Variants in CNTNAP2 observed in about 807,000 individuals in gnomAD.
The protein encoded by CNTNAP2 is contactin-associated protein-like 2.
CNTNAP2 carries 98 observed loss-of-function variants against 155.2 expected under a neutral mutation model. The ratio of observed to expected loss-of-function variants is 0.63; its 90% CI spans 0.54 to 0.75. CNTNAP2 has a LOEUF of 0.75. CNTNAP2 is among the 30% of genes least tolerant of loss of function. The probability of loss-of-function intolerance (pLI) is 0.00; values close to 1 mark genes in which losing one functional copy is unlikely to be tolerated. For synonymous variants in CNTNAP2, 651 were observed against 631.2 expected, an observed-to-expected ratio of 1.03 and a Z score of -0.47; for missense variants, 1,727 against 1,688.1, an observed-to-expected ratio of 1.02 and a Z score of -0.40.
In CNTNAP2 at chr7:146,718,866, G is replaced by A. The variant is rs114160949; in HGVS notation, c.98-55405G>A. Among the ~76,000 whole-genome samples the A allele has an allele frequency of 6.2e-3, 938 of 152,114 alleles. 9 individuals are homozygous for A. Among genetic ancestry groups the A allele is most frequent in the African/African-American group, 0.021 (882 of 41,492 alleles). ...TTTTTATTTGAGAGGGCTCCTCTTC[G>A]TGTTCCTAATATGCCAAAGTTAAGC... On this transcript the variant is annotated intron_variant, in intron 1 of 23. Transcript: ENST00000361727.
intron 3 of CNTNAP2, among the ~76,000 whole-genome samples, chr7:147,021,352 G>GT (rs1322497011): frequency 6.6e-6 from 1 of 151,976 alleles, no homozygotes; most frequent in Non-Finnish European, 1.5e-5. Flanking sequence ...ATACTCCCTT[G>GT]TTTTTTATTA....
At chr7:148,390,037 T>A (rs558659478) in intron 22 of CNTNAP2, among the ~76,000 whole-genome samples, 1 of 151,872 alleles carries the variant, frequency 6.6e-6, no homozygotes, top group East Asian at 1.9e-4. Flanking sequence ...GAAAGAAGGG[T>A]CCCTTTGGTA....
intron 1 of CNTNAP2, among the ~76,000 whole-genome samples, chr7:146,138,154 A>G (rs1797824903): frequency 6.6e-6 from 1 of 152,160 alleles, no homozygotes; most frequent in Non-Finnish European, 1.5e-5. Context: ...GTATAAATTG[A>G]TGATAAATGT....
chr7:147,945,267 A>C (rs1800798667), intron 14 of CNTNAP2, among the ~76,000 whole-genome samples: 1 of 152,190 alleles, frequency 6.6e-6, no homozygotes, highest in Non-Finnish European at 1.5e-5. Flanking sequence ...TATTGATATA[A>C]TTTTAACATA....
rs1470544800 is a variant in CNTNAP2, at chr7:147,025,874, A to T, written c.403-18033A>T. Among the ~76,000 whole-genome samples, 123 of 142,174 alleles carry T rather than the reference A, an allele frequency of 8.7e-4. 2 individuals carry two copies. Among genetic ancestry groups the T allele is most frequent in the African/African-American group, 2.9e-3 (111 of 38,208 alleles). The allele number at this position is 142,174 out of a possible 152,430, so 93.3% of individuals were successfully genotyped here. A position where few individuals can be genotyped will look rare whatever the true frequency, so the allele number is the denominator to read the frequency against. The stretch of plus-strand genomic sequence containing the variant: ...TTGTTTTTTTTTTTTTTAAATTTTT[A>T]TATATTTTTTAATTTGTTGAGATCA... On this transcript the variant is annotated intron_variant, in intron 3 of 23. Coordinates refer to ENST00000361727, the MANE Select transcript of CNTNAP2 (RefSeq NM_014141.6).
intron 3 of CNTNAP2, among the ~76,000 whole-genome samples, chr7:146,906,105 A>G (rs13239039): frequency 0.26 from 40,099 of 152,132 alleles, 5,904 homozygotes; most frequent in Non-Finnish European, 0.32. Flanking sequence ...GGCTTAAAAA[A>G]CGGCGCACCA....
chr7:146,555,744 G>A (rs1460571602), intron 1 of CNTNAP2, among the ~76,000 whole-genome samples: 2 of 152,188 alleles, frequency 1.3e-5, no homozygotes, highest in African/African-American at 2.4e-5. Flanking sequence ...AAAGTTGATT[G>A]TGTGGTAGAA....
chr7:148,048,714 G>A (rs1359854204), intron 15 of CNTNAP2, among the ~76,000 whole-genome samples: 1 of 152,180 alleles, frequency 6.6e-6, no homozygotes, highest in Non-Finnish European at 1.5e-5. Context: ...CAAGAACAGT[G>A]AGCCCTGTGT....
At chr7:146,323,717 A>T (rs954760542) in intron 1 of CNTNAP2, among the ~76,000 whole-genome samples, 6 of 152,206 alleles carry the variant, frequency 3.9e-5, no homozygotes, top group Non-Finnish European at 7.3e-5. Context: ...CCAGGAAGGC[A>T]TCAAAATAAA....
chr7:147,184,735 A>G (rs1563107105), intron 8 of CNTNAP2, among the ~76,000 whole-genome samples: 1 of 152,320 alleles, frequency 6.6e-6, no homozygotes, highest in Non-Finnish European at 1.5e-5. Flanking sequence ...AAGGAGAAGA[A>G]AGAAGGGGAT....
In CNTNAP2 at chr7:147,722,799, T is replaced by C. The variant is rs557362189; in HGVS notation, c.2098+83493T>C. ...TGCAACACCTGCTACTGTGTAGTTG[T>C]GTCACAGGTCATTTCATCTCTCTGG... On this transcript the variant is annotated intron_variant, in intron 13 of 23. Transcript: ENST00000361727. 2.5e-4 allele frequency among the ~76,000 whole-genome samples: 38 copies of C among 152,232 alleles called. No individual in the cohort carries two copies. In the South Asian group the frequency reaches 3.3e-3, roughly 13 times the overall value.
chr7:146,992,043 G>A (rs182909884), intron 3 of CNTNAP2, among the ~76,000 whole-genome samples: 50 of 152,240 alleles, frequency 3.3e-4, no homozygotes, highest in Admixed American at 2.8e-3. Context: ...CTGAGAAATG[G>A]TACTATTATA....
intron 9 of CNTNAP2, among the ~76,000 whole-genome samples, chr7:147,393,146 C>T (rs1343263668): frequency 6.6e-6 from 1 of 151,536 alleles, no homozygotes; most frequent in African/African-American, 2.4e-5. Context: ...AAGTCAGGAG[C>T]CAAAGATTAA....
chr7:146,579,860 A>T (rs535738161), intron 1 of CNTNAP2, among the ~76,000 whole-genome samples: 18 of 152,238 alleles, frequency 1.2e-4, no homozygotes, highest in South Asian at 6.2e-4. Context: ...CTTAGTGTAC[A>T]TAATATTGCA....
intron 15 of CNTNAP2, among the ~76,000 whole-genome samples, chr7:148,086,897 G>A (rs979078130): frequency 3.3e-5 from 5 of 152,058 alleles, no homozygotes; most frequent in Non-Finnish European, 5.9e-5. Flanking sequence ...ACAATGGTGC[G>A]TTACTACCAT....
chr7:147,493,331 T>C (rs1357505786), intron 11 of CNTNAP2, among the ~76,000 whole-genome samples: 1 of 152,226 alleles, frequency 6.6e-6, no homozygotes, highest in Non-Finnish European at 1.5e-5. Flanking sequence ...GTTGTGCTTC[T>C]GTGTTATCAA....
At chr7:147,589,714 A>G (rs1448302368) in intron 12 of CNTNAP2, among the ~76,000 whole-genome samples, 2 of 152,074 alleles carry the variant, frequency 1.3e-5, no homozygotes, top group African/African-American at 4.8e-5. Context: ...GATTCTCTCT[A>G]AGTTTTTTCC....
At chr7:147,299,233 T>C (rs1356630730) in intron 8 of CNTNAP2, among the ~76,000 whole-genome samples, 1 of 152,204 alleles carries the variant, frequency 6.6e-6, no homozygotes, top group Non-Finnish European at 1.5e-5. Flanking sequence ...GTCCAGATGC[T>C]TATGTTTCCT....
At chr7:146,953,152 G>T (rs1346562018) in intron 3 of CNTNAP2, among the ~76,000 whole-genome samples, 3 of 151,976 alleles carry the variant, frequency 2.0e-5, no homozygotes, top group African/African-American at 4.8e-5. Flanking sequence ...GGATATTTTA[G>T]ATCTGAGTAA....
Sources: allele counts gnomAD v4.1 joint callset (sites outside exome capture counted in the v4.1 genomes callset), GRCh38; gene constraint gnomAD v4.1.1; transcripts MANE v1.5; gene names NCBI Gene and HGNC (gene_info 2026-07-23, HGNC 2026-07-21).